UBTD2: variants seen among roughly 807,000 people sequenced by gnomAD.
The protein encoded by UBTD2 is ubiquitin domain-containing protein 2.
A neutral mutation model predicts 19.8 loss-of-function variants in UBTD2; 9 were observed. The ratio of observed to expected loss-of-function variants is 0.46; its 90% confidence interval spans 0.27 to 0.79. The LOEUF is 0.79. UBTD2 is among the 30% of genes least tolerant of loss of function. The pLI is 0.14. For missense variants in UBTD2, 250 were observed against 300.4 expected, an observed-to-expected ratio of 0.83 and a Z score of 1.24; for synonymous variants, 98 against 103.9, an observed-to-expected ratio of 0.94 and a Z score of 0.35.
At chr5:172,220,380 A>G (rs1771628402) in intron 2 of UBTD2, among the ~76,000 whole-genome samples, 1 of 152,236 alleles carries the variant, frequency 6.6e-6, no homozygotes, top group South Asian at 2.1e-4. Context: ...TCACGCCTCT[A>G]ATCCCAGCAC....
chr5:172,283,888 GGCA>G, upstream of UBTD2: 1 of 163,082 alleles, frequency 6.1e-6, no homozygotes, highest in Admixed American at 6.5e-5. This position sits in a 1 kb window ranked among gnomAD's most constrained non-coding sequence, Gnocchi z 4.3. Flanking sequence ...CCGCCCGCCC[GGCA>G]GGCCTGGCCC....
At chr5:172,267,682 C>G (rs1157803899) in intron 1 of UBTD2, among the ~76,000 whole-genome samples, 1 of 152,112 alleles carries the variant, frequency 6.6e-6, no homozygotes, top group Non-Finnish European at 1.5e-5. Context: ...GACTCTAAAT[C>G]ATGTTTAAAA....
At position 172,227,528 on chromosome 5, in the gene UBTD2, C is replaced by T. The variant is rs200610718; in HGVS notation, c.307+6594G>A. Among the ~76,000 whole-genome samples, 122 of 124,500 alleles carry T rather than the reference C, an allele frequency of 9.8e-4. 2 individuals are homozygous for T. The highest frequency in any genetic ancestry group is 3.3e-3 in the African/African-American group (111 of 33,232). The allele number at this position is 124,500 out of a possible 152,430, so 81.7% of individuals were successfully genotyped here. Reference sequence around the variant, plus strand: ...TTATGTTTATGAATTAACTTATCAACTTTGTTAAATGACAAATTTTTTTTT... The same window carrying T: ...TTATGTTTATGAATTAACTTATCAATTTTGTTAAATGACAAATTTTTTTTT... On this transcript the variant is annotated intron_variant, in intron 2 of 2. Transcript: ENST00000393792.
At chr5:172,239,796 C>T (rs901671706) in intron 1 of UBTD2, among the ~76,000 whole-genome samples, 2 of 151,672 alleles carry the variant, frequency 1.3e-5, no homozygotes, top group Non-Finnish European at 2.9e-5. Context: ...CCCAGCTACT[C>T]GGCAGGCTGA....
At chr5:172,280,960 T>C (rs1289620130) in intron 1 of UBTD2, among the ~76,000 whole-genome samples, 1 of 152,238 alleles carries the variant, frequency 6.6e-6, no homozygotes, top group Non-Finnish European at 1.5e-5. Context: ...TTTCAAATGG[T>C]CAAAAGATTT....
chr5:172,254,657 G>A (rs1471758810), intron 1 of UBTD2: 7 of 593,080 alleles, frequency 1.2e-5, no homozygotes, highest in South Asian at 1.0e-4. Context: ...TCGAGTATCC[G>A]GGGATTCCAC....
rs1037093342 is a variant in UBTD2, at chr5:172,283,523, G to T, written c.70+73C>A. ...GGCGCGGGGGCCCGGCGCGGCCCGCGGGGGTCGGGACAGGTGGCCGGGCCT... is the reference window on the plus strand; with the variant it reads ...GGCGCGGGGGCCCGGCGCGGCCCGCTGGGGTCGGGACAGGTGGCCGGGCCT... On this transcript the variant is annotated intron_variant, in intron 1 of 2. Transcript: ENST00000393792. The surrounding 1 kb of genome is among the most constrained non-coding windows in gnomAD (Gnocchi z 4.3). 1 of 1,167,478 alleles carries T rather than the reference G, an allele frequency of 8.6e-7. No individual in the cohort carries two copies. 72.3% of individuals were successfully genotyped at this position (1,167,478 alleles called of 1,614,324 possible).
chr5:172,268,294 GAA>G (rs755874233), intron 1 of UBTD2, among the ~76,000 whole-genome samples: 40 of 152,226 alleles, frequency 2.6e-4, no homozygotes, highest in Non-Finnish European at 4.6e-4. Context: ...GGTCAATAAT[GAA>G]AGATTATCCT....
intron 1 of UBTD2, among the ~76,000 whole-genome samples, chr5:172,251,465 CAAAAAAAAAAA>C (rs59810255): frequency 1.1e-5 from 1 of 91,958 alleles, no homozygotes; most frequent in Non-Finnish European, 2.2e-5. Context: ...TCAAACTGTC[CAAAAAAAAAAA>C]AAAAAAAAAA....
chr5:172,228,937 G>A (rs916329169), intron 2 of UBTD2, among the ~76,000 whole-genome samples: 1 of 151,742 alleles, frequency 6.6e-6, no homozygotes, highest in Admixed American at 6.6e-5. Context: ...AAAACATTCT[G>A]GGGAACTCCT....
intron 1 of UBTD2, among the ~76,000 whole-genome samples, chr5:172,265,102 A>G (rs1755348595): frequency 6.6e-6 from 1 of 152,232 alleles, no homozygotes; most frequent in Non-Finnish European, 1.5e-5. Flanking sequence ...AAAGCAAGTC[A>G]AGTCACCAAT....
At chr5:172,263,790 C>T (rs1244865052) in intron 1 of UBTD2, among the ~76,000 whole-genome samples, 1 of 151,420 alleles carries the variant, frequency 6.6e-6, no homozygotes. Flanking sequence ...GAGACTCCAT[C>T]TCAAAAAAAA....
chr5:172,224,238 G>A (rs919233071), intron 2 of UBTD2, among the ~76,000 whole-genome samples: 6 of 146,806 alleles, frequency 4.1e-5, no homozygotes, highest in Middle Eastern at 3.5e-3. Flanking sequence ...TCACAGGGGC[G>A]GCTTCCCCCA....
chr5:172,222,207 C>A (rs988184066), intron 2 of UBTD2, among the ~76,000 whole-genome samples: 3 of 152,192 alleles, frequency 2.0e-5, no homozygotes, highest in African/African-American at 7.2e-5. Flanking sequence ...AGCAGACTGG[C>A]CCCTTTGTGG....
intron 2 of UBTD2, among the ~76,000 whole-genome samples, chr5:172,228,705 A>T (rs767847146): frequency 1.1e-4 from 17 of 151,980 alleles, no homozygotes; most frequent in African/African-American, 1.9e-4. Flanking sequence ...TGGGTGACAG[A>T]GCTAGACTCC....
intron 2 of UBTD2, among the ~76,000 whole-genome samples, chr5:172,224,758 C>T (rs1771728408): frequency 6.6e-6 from 1 of 152,164 alleles, no homozygotes; most frequent in East Asian, 1.9e-4. Flanking sequence ...AATTAAACCT[C>T]TTTTCTTTGT....
intron 1 of UBTD2, among the ~76,000 whole-genome samples, chr5:172,247,966 T>G (rs1754917923): frequency 6.6e-6 from 1 of 152,030 alleles, no homozygotes; most frequent in Admixed American, 6.5e-5. Flanking sequence ...AAGACTGAAA[T>G]CATACAAAGT....
chr5:172,249,306 G>A (rs552487012), intron 1 of UBTD2, among the ~76,000 whole-genome samples: 1 of 149,304 alleles, frequency 6.7e-6, no homozygotes, highest in Non-Finnish European at 1.5e-5. Context: ...GGCTGAGGCA[G>A]GAGAATCGCT....
intron 1 of UBTD2, among the ~76,000 whole-genome samples, chr5:172,281,490 C>T (rs1003683666): frequency 3.3e-5 from 5 of 152,112 alleles, no homozygotes. Flanking sequence ...AAAGCAAGAA[C>T]CTGTCTCGAG....
Sources: gnomAD v4.1 joint callset for allele counts (sites outside exome capture counted in the v4.1 genomes callset) on GRCh38, gnomAD v4.1.1 for gene constraint, Gnocchi (gnomAD v3.1) non-coding constraint, MANE v1.5 for transcripts, NCBI Gene and HGNC (gene_info 2026-07-23, HGNC 2026-07-21) for gene names.